ENTREP1: variants seen among roughly 807,000 people sequenced by gnomAD.
The protein encoded by ENTREP1 is Friedreich ataxia region gene X123.
At chr9:69,376,563 C>T in the ENTREP1 span, among the ~76,000 whole-genome samples, 7 of 152,102 alleles carry the variant, frequency 4.6e-5, no homozygotes, top group African/African-American at 1.4e-4. Context: ...TTTTGAGAGT[C>T]CACTTCTGCC....
chr9:69,347,675 T>C, the ENTREP1 span, among the ~76,000 whole-genome samples: 1 of 152,182 alleles, frequency 6.6e-6, no homozygotes, highest in Non-Finnish European at 1.5e-5. Flanking sequence ...GTACCTGATA[T>C]TGATCAGACA....
the ENTREP1 span, among the ~76,000 whole-genome samples, chr9:69,359,152 C>T: frequency 3.3e-5 from 5 of 152,100 alleles, no homozygotes; most frequent in South Asian, 2.1e-4. Context: ...GTGACCCGCC[C>T]GCCTCAGCCT....
At chr9:69,340,765 G>GTGTGTGTGTA in the ENTREP1 span, among the ~76,000 whole-genome samples, 82,289 of 121,140 alleles carry the variant, frequency 0.68, 27,550 homozygotes, top group South Asian at 0.75. Context: ...GTGCGTGCAT[G>GTGTGTGTGTA]TGTGTGTGTG....
chr9:69,379,189 G>A, the ENTREP1 span, among the ~76,000 whole-genome samples: 7 of 152,290 alleles, frequency 4.6e-5, no homozygotes, highest in East Asian at 7.7e-4. Context: ...TGAGCTTGAG[G>A]TTTTTAGAGA....
chr9:69,380,259 CAT>C, the ENTREP1 span: 1 of 152,256 alleles, frequency 6.6e-6, no homozygotes, highest in African/African-American at 2.4e-5. Context: ...CATTTAGATA[CAT>C]GTCCTATCAA....
the ENTREP1 span, among the ~76,000 whole-genome samples, chr9:69,350,487 C>T: frequency 6.6e-6 from 1 of 152,296 alleles, no homozygotes; most frequent in South Asian, 2.1e-4. Flanking sequence ...ACTTCCTGTT[C>T]TAGTCTGGAC....
the ENTREP1 span, among the ~76,000 whole-genome samples, chr9:69,343,863 G>A: frequency 6.6e-6 from 1 of 152,144 alleles, no homozygotes; most frequent in Non-Finnish European, 1.5e-5. Flanking sequence ...TCTCATAAAT[G>A]CTAGCTGACC....
the ENTREP1 span, among the ~76,000 whole-genome samples, chr9:69,329,031 C>T: frequency 2.0e-5 from 3 of 152,288 alleles, no homozygotes; most frequent in African/African-American, 4.8e-5. Context: ...ATCCATGCTG[C>T]GGCAAGTCTC....
the ENTREP1 span, chr9:69,325,745 C>T: frequency 2.4e-6 from 3 of 1,224,860 alleles, no homozygotes; most frequent in Non-Finnish European, 3.1e-6. Flanking sequence ...GCGCGCGCCC[C>T]GTTCGCCCGG....
At chr9:69,363,911 C>T in the ENTREP1 span, among the ~76,000 whole-genome samples, 1 of 152,158 alleles carries the variant, frequency 6.6e-6, no homozygotes, top group Non-Finnish European at 1.5e-5. Flanking sequence ...GTCAGTGGTC[C>T]AGTGTAGAGT....
chr9:69,344,140 G>T, the ENTREP1 span, among the ~76,000 whole-genome samples: 1 of 152,202 alleles, frequency 6.6e-6, no homozygotes, highest in Non-Finnish European at 1.5e-5. Context: ...ATATGACTAT[G>T]AGAAAATTCT....
chr9:69,367,778 T>A, the ENTREP1 span, among the ~76,000 whole-genome samples: 1 of 93,640 alleles, frequency 1.1e-5, no homozygotes, highest in African/African-American at 4.3e-5. Flanking sequence ...TATATATAAA[T>A]ATATATACAC....
chr9:69,324,874 T>G, the ENTREP1 span: 2 of 985,046 alleles, frequency 2.0e-6, no homozygotes, highest in Non-Finnish European at 2.4e-6. Flanking sequence ...GGACAGACGC[T>G]GAGACTCTCG....
At chr9:69,367,702 T>TAA in the ENTREP1 span, among the ~76,000 whole-genome samples, 15 of 113,764 alleles carry the variant, frequency 1.3e-4, no homozygotes, top group African/African-American at 4.0e-4. Context: ...CACATATATA[T>TAA]AAATATATAT....
At chr9:69,330,120 G>A in the ENTREP1 span, among the ~76,000 whole-genome samples, 2 of 150,632 alleles carry the variant, frequency 1.3e-5, no homozygotes, top group South Asian at 4.3e-4. Flanking sequence ...TTCCACTGGG[G>A]TATGGGAGTT....
chr9:69,374,500 A>C, the ENTREP1 span, among the ~76,000 whole-genome samples: 1 of 152,212 alleles, frequency 6.6e-6, no homozygotes, highest in East Asian at 1.9e-4. Flanking sequence ...TGACTGGTGA[A>C]TTTCTACCAG....
chr9:69,326,260 A>T, the ENTREP1 span, among the ~76,000 whole-genome samples: 1 of 152,150 alleles, frequency 6.6e-6, no homozygotes, highest in South Asian at 2.1e-4. Context: ...CTCGACCCCC[A>T]GACGAGTTCA....
At chr9:69,347,465 A>G in the ENTREP1 span, among the ~76,000 whole-genome samples, 5 of 152,314 alleles carry the variant, frequency 3.3e-5, no homozygotes, top group African/African-American at 1.2e-4. Context: ...CCCACACGAA[A>G]AAAGGGAAAC....
the ENTREP1 span, among the ~76,000 whole-genome samples, chr9:69,374,507 C>T: frequency 1.3e-5 from 2 of 152,100 alleles, no homozygotes; most frequent in African/African-American, 4.8e-5. Flanking sequence ...TGAATTTCTA[C>T]CAGTGGCTCT....
Sources: allele counts gnomAD v4.1 joint callset (sites outside exome capture counted in the v4.1 genomes callset), GRCh38; gene constraint gnomAD v4.1.1; transcripts MANE v1.5; gene names NCBI Gene and HGNC (gene_info 2026-07-23, HGNC 2026-07-21).